ANKH: variants seen among roughly 807,000 people sequenced by gnomAD.
ANKH encodes mineralization regulator ANKH.
ANKH carries 15 observed loss-of-function variants against 49.0 expected under a neutral mutation model. That is an observed-to-expected ratio of 0.31 (90% CI 0.20 to 0.47). The LOEUF (loss-of-function observed/expected upper bound fraction) is 0.47. Among genes scored for constraint, ANKH ranks in the 20% least tolerant of loss-of-function variants. The pLI is 1.00. For synonymous variants in ANKH, 273 were observed against 260.0 expected (o/e 1.05, Z -0.48); for missense variants, 429 against 652.0 (o/e 0.66, Z 3.72).
Position 14,745,903 on chromosome 5 carries a change from C to G in ANKH, c.882G>C (p.Thr294=). The part of the protein sequence containing the change: ...PVGHMPYGWL[T]EIRAVYPAFD... The stretch of plus-strand genomic sequence containing the variant: ...AAGCAGGATACACAGCACGGATTTC[C>G]GTCAACCAGCCGTATGGCATGTGAC... Residue 294 remains threonine, a synonymous_variant, in exon 7 of 12, where the codon ACG becomes ACC. Transcript: ENST00000284268. The surrounding 1 kb of genome is among the most constrained non-coding windows in gnomAD (Gnocchi z 4.7). 1 of 1,614,178 alleles carries G rather than the reference C, an allele frequency of 6.2e-7. No individual in the cohort carries two copies. The highest frequency in any genetic ancestry group is 8.5e-7 in the Non-Finnish European group (1 of 1,180,032).
rs1315635489 is a variant in ANKH, at chr5:14,713,012, CCAAGT to C, written c.1266-44_1266-40del. 2 of 1,583,766 alleles carry C rather than the reference CCAAGT, an allele frequency of 1.3e-6. No homozygotes were observed. The highest frequency in any genetic ancestry group is 1.7e-4 in the Middle Eastern group (1 of 6,006). ...CACAAAGGCAATTTGTCTGTTAAGG[CCAAGT>C]CAAGGCACAACCGTCGATGCCAAAA... On this transcript the variant is annotated intron_variant, in intron 10 of 11. Transcript: ENST00000284268. This position sits in a 1 kb window ranked among gnomAD's most constrained non-coding sequence, Gnocchi z 4.4.
At chr5:14,792,892 G>A (rs1258753271) in intron 1 of ANKH, among the ~76,000 whole-genome samples, 3 of 148,438 alleles carry the variant, frequency 2.0e-5, no homozygotes, top group Non-Finnish European at 4.4e-5. Flanking sequence ...CAGGAGAATC[G>A]CTTGAACCTG....
intron 1 of ANKH, chr5:14,798,271 TG>T (rs2126556702): frequency 6.2e-7 from 1 of 1,604,112 alleles, no homozygotes. Context: ...GCAGTTAGGC[TG>T]GGCCACTCCA....
In ANKH at chr5:14,710,955, A is replaced by T. The variant is rs573842770; in HGVS notation, c.*242T>A. ...TTTTGGGTTTTCGTGAGGCAGGGGT[A>T]TGAAGTCAGTTGTTTCGTTTGTTTT... On this transcript the variant is annotated 3_prime_UTR_variant, in exon 12 of 12. Coordinates refer to ENST00000284268, the MANE Select transcript of ANKH (RefSeq NM_054027.6). The T allele has an allele frequency of 4.1e-6, 2 of 492,788 alleles. No homozygotes were observed. The highest frequency in any genetic ancestry group is 5.7e-4 in the Middle Eastern group (1 of 1,766). 30.5% of individuals were successfully genotyped at this position (492,788 alleles called of 1,614,324 possible).
intron 2 of ANKH, among the ~76,000 whole-genome samples, chr5:14,763,320 T>C (rs1414837440): frequency 1.3e-5 from 2 of 152,222 alleles, no homozygotes; most frequent in African/African-American, 4.8e-5. Context: ...CCTGTGCTTC[T>C]AGGGTATCAT....
chr5:14,787,035 C>T (rs755928137), intron 1 of ANKH, among the ~76,000 whole-genome samples: 16 of 150,480 alleles, frequency 1.1e-4, no homozygotes, highest in Admixed American at 2.6e-4. Flanking sequence ...AGAAACAGGC[C>T]GGGTGCGGTG....
At position 14,727,254 on chromosome 5, in the gene ANKH, AATT is replaced by A. The variant is rs568670999; in HGVS notation, c.1012-10422_1012-10420del. Among the ~76,000 whole-genome samples the A allele has an allele frequency of 2.6e-5, 4 of 152,260 alleles. No individual in the cohort carries two copies. In the East Asian group the frequency reaches 5.8e-4, roughly 22 times the overall value. ...CATCTGGCTTGTTGATAATCATAAT[AATT>A]ATTATAAATCTTGAATATTTTCATA... is the stretch of plus-strand genomic sequence containing the variant. On this transcript the variant is annotated intron_variant, in intron 8 of 11. Coordinates refer to ENST00000284268, the MANE Select transcript of ANKH (RefSeq NM_054027.6).
intron 6 of ANKH, among the ~76,000 whole-genome samples, 185 bp downstream of exon 6, chr5:14,748,987 T>TA (rs1347564793): frequency 6.6e-6 from 1 of 152,244 alleles, no homozygotes; most frequent in Non-Finnish European, 1.5e-5. Context: ...CCCATAATCA[T>TA]AAAAATATAC....
chr5:14,729,592 A>G (rs1580011503), intron 8 of ANKH, among the ~76,000 whole-genome samples: 1 of 151,654 alleles, frequency 6.6e-6, no homozygotes, highest in Non-Finnish European at 1.5e-5. Context: ...CTTTCCCTGT[A>G]CCTCCGCCTC....
intron 1 of ANKH, among the ~76,000 whole-genome samples, chr5:14,778,853 G>A (rs1225685974): frequency 1.3e-5 from 2 of 152,126 alleles, no homozygotes; most frequent in African/African-American, 2.4e-5. Context: ...TGCTGGAAAC[G>A]AATACACAGC....
intron 1 of ANKH, among the ~76,000 whole-genome samples, chr5:14,829,832 C>T (rs1741452529): frequency 2.0e-5 from 3 of 152,218 alleles, no homozygotes; most frequent in Admixed American, 2.0e-4. Flanking sequence ...TCTGTGTTTT[C>T]ATCAGTTTAT....
chr5:14,762,589 A>G (rs942633881), intron 2 of ANKH, among the ~76,000 whole-genome samples: 1 of 152,176 alleles, frequency 6.6e-6, no homozygotes, highest in Non-Finnish European at 1.5e-5. Context: ...CTTCCCCTAC[A>G]TGATAGAGGA....
At chr5:14,755,034 C>T (rs1738838037) in intron 4 of ANKH, among the ~76,000 whole-genome samples, 1 of 145,496 alleles carries the variant, frequency 6.9e-6, no homozygotes, top group Non-Finnish European at 1.5e-5. Context: ...CGAGATTGTG[C>T]CATTCGACAA....
At chr5:14,731,108 G>A (rs1020685048) in intron 8 of ANKH, among the ~76,000 whole-genome samples, 22 of 152,238 alleles carry the variant, frequency 1.4e-4, no homozygotes, top group Non-Finnish European at 5.9e-5. Flanking sequence ...GAAAGGCCAT[G>A]TCGTCCTCCG....
chr5:14,848,168 G>A (rs567769717), intron 1 of ANKH, among the ~76,000 whole-genome samples: 15 of 152,264 alleles, frequency 9.9e-5, no homozygotes, highest in Admixed American at 4.6e-4. Flanking sequence ...TTCCTAGGCC[G>A]ACTAAGAATT....
intron 1 of ANKH, among the ~76,000 whole-genome samples, chr5:14,771,921 G>GAAAAAAAAAAAAAA (rs869185652): frequency 1.1e-4 from 6 of 53,334 alleles, no homozygotes; most frequent in Admixed American, 2.1e-4. Flanking sequence ...CTCAAAAAAA[G>GAAAAAAAAAAAAAA]AAAAAAAAAA....
In ANKH at chr5:14,711,244, T is replaced by TCGGAGGCATGTCTGTCATGG. The variant is rs1287912057; in HGVS notation, c.1412_1431dup (p.Thr478ProfsTer2). On this transcript the variant is annotated stop_gained and frameshift_variant, in exon 12 of 12. Coordinates refer to ENST00000284268, the MANE Select transcript of ANKH (RefSeq NM_054027.6). LOFTEE classifies it high-confidence loss of function. ...TCCACGATGTCTGTCACCTCCTCTG[T>TCGGAGGCATGTCTGTCATGG]CGGAGGCATGTCTGTCATGGCAGAG... 3 of 1,614,132 alleles carry TCGGAGGCATGTCTGTCATGG rather than the reference T, an allele frequency of 1.9e-6. No individual in the cohort carries two copies. Among genetic ancestry groups the TCGGAGGCATGTCTGTCATGG allele is most frequent in the Non-Finnish European group, 2.5e-6 (3 of 1,180,012 alleles).
rs73048842 is a variant in ANKH at position 14,735,873 on chromosome 5, G to T, written c.1011+5954C>A. On this transcript the variant is annotated intron_variant, in intron 8 of 11. Coordinates refer to ENST00000284268, the MANE Select transcript of ANKH (RefSeq NM_054027.6). ...GGGGGTTAGGACTTTAACATAAGAA[G>T]GTTTGGCGAATCCTATTCAACCCAT... 8.9e-4 allele frequency among the ~76,000 whole-genome samples: 135 copies of T among 152,220 alleles called. 1 individual carries two copies. The highest frequency in any genetic ancestry group is 3.1e-3 in the African/African-American group (129 of 41,538).
chr5:14,863,585 AG>A (rs1448476473), intron 1 of ANKH, among the ~76,000 whole-genome samples: 23 of 152,216 alleles, frequency 1.5e-4, no homozygotes, highest in African/African-American at 5.1e-4. Context: ...GACCCAGGTA[AG>A]GCTGTAGAAA....
Sources: gnomAD v4.1 joint callset for allele counts (sites outside exome capture counted in the v4.1 genomes callset) on GRCh38, gnomAD v4.1.1 for gene constraint, Gnocchi (gnomAD v3.1) non-coding constraint, MANE v1.5 for transcripts, NCBI Gene and HGNC (gene_info 2026-07-23, HGNC 2026-07-21) for gene names.